CNTN5: variants seen among roughly 807,000 people sequenced by gnomAD.
The protein encoded by CNTN5 is contactin 5.
In CNTN5, 77 loss-of-function variants were observed where a neutral mutation model predicts 129.1. The ratio of observed to expected loss-of-function variants is 0.60; its 90% CI spans 0.50 to 0.72. The LOEUF (loss-of-function observed/expected upper bound fraction) is 0.72. CNTN5 is among the 30% of genes least tolerant of loss of function. The pLI, the probability that CNTN5 is intolerant of heterozygous loss-of-function variation, is 0.00. For synonymous variants in CNTN5, 509 were observed against 465.6 expected (o/e 1.09, Z -1.20); for missense variants, 1,478 against 1,328.8 (o/e 1.11, Z -1.75).
intron 4 of CNTN5, among the ~76,000 whole-genome samples, 195 bp downstream of exon 4, chr11:99,819,960 T>C (rs1471570539): frequency 2.6e-5 from 4 of 152,186 alleles, no homozygotes; most frequent in Admixed American, 6.5e-5. Context: ...GGGGAGATAC[T>C]GGTAAATGTG....
chr11:100,342,183 A>ACACACACACACACAC (rs71053115), intron 23 of CNTN5, among the ~76,000 whole-genome samples: 3 of 150,766 alleles, frequency 2.0e-5, no homozygotes, highest in African/African-American at 7.3e-5. Flanking sequence ...ACACACACAC[A>ACACACACACACACAC]AGTCCATCAG....
chr11:99,841,894 ATAT>A (rs762420310), intron 4 of CNTN5, among the ~76,000 whole-genome samples: 7,959 of 94,572 alleles, frequency 0.084, 285 homozygotes, highest in Middle Eastern at 0.14. Context: ...ACATATATAT[ATAT>A]TTTTTTTTTA....
At chr11:99,254,203 T>C (rs761544609) in intron 1 of CNTN5, among the ~76,000 whole-genome samples, 14 of 151,782 alleles carry the variant, frequency 9.2e-5, no homozygotes, top group African/African-American at 2.2e-4. Flanking sequence ...GAGGAACTTA[T>C]GTTGTAGAGG....
At chr11:99,575,177 G>C (rs537649726) in intron 3 of CNTN5, among the ~76,000 whole-genome samples, 1 of 152,250 alleles carries the variant, frequency 6.6e-6, no homozygotes, top group South Asian at 2.1e-4. Flanking sequence ...AATTTTTGAA[G>C]AAATGGTGTT....
intron 2 of CNTN5, among the ~76,000 whole-genome samples, chr11:99,438,311 A>C (rs1034737068): frequency 2.6e-5 from 4 of 152,160 alleles, no homozygotes; most frequent in African/African-American, 9.7e-5. Flanking sequence ...TGAGTCTACT[A>C]TAAGGAACTA....
chr11:100,107,303 C>T (rs185833891), intron 13 of CNTN5, among the ~76,000 whole-genome samples: 31 of 151,976 alleles, frequency 2.0e-4, no homozygotes, highest in African/African-American at 6.0e-4. Context: ...TTCTGACAAC[C>T]GGTTGATAAA....
At chr11:99,665,252 A>G (rs945799978) in intron 3 of CNTN5, among the ~76,000 whole-genome samples, 3 of 152,176 alleles carry the variant, frequency 2.0e-5, no homozygotes, top group Admixed American at 6.5e-5. Flanking sequence ...GTGAAATTCA[A>G]AACTGAACAA....
intron 21 of CNTN5, among the ~76,000 whole-genome samples, chr11:100,320,386 C>T (rs1042878435): frequency 1.1e-4 from 16 of 151,910 alleles, no homozygotes; most frequent in African/African-American, 2.9e-4. Flanking sequence ...ATTTTTTAAT[C>T]GGTTAATTTG....
chr11:99,967,831 T>A (rs1475687699), intron 8 of CNTN5, among the ~76,000 whole-genome samples: 1 of 152,138 alleles, frequency 6.6e-6, no homozygotes, highest in African/African-American at 2.4e-5. Flanking sequence ...TGTACCTTCA[T>A]TTTTCCACTC....
chr11:100,330,050 T>A (rs530208910), intron 21 of CNTN5, among the ~76,000 whole-genome samples: 2 of 151,980 alleles, frequency 1.3e-5, no homozygotes, highest in Non-Finnish European at 2.9e-5. Context: ...CAGAGAAAGG[T>A]GAAGGCCAAC....
At chr11:99,593,000 T>C (rs530737161) in intron 3 of CNTN5, among the ~76,000 whole-genome samples, 4 of 152,152 alleles carry the variant, frequency 2.6e-5, no homozygotes, top group Non-Finnish European at 2.9e-5. Context: ...GTAATAGATA[T>C]GACAACTCAT....
intron 2 of CNTN5, among the ~76,000 whole-genome samples, chr11:99,350,754 T>C (rs1420307422): frequency 6.6e-6 from 1 of 151,844 alleles, no homozygotes; most frequent in Non-Finnish European, 1.5e-5. Context: ...AACAGAAAAA[T>C]GTCATGTATG....
intron 3 of CNTN5, among the ~76,000 whole-genome samples, chr11:99,629,418 A>G (rs529509873): frequency 2.0e-5 from 3 of 152,040 alleles, no homozygotes; most frequent in Non-Finnish European, 4.4e-5. Flanking sequence ...CTCTTCTGGA[A>G]CAGACATTTT....
chr11:99,706,172 C>G (rs900546528), intron 3 of CNTN5, among the ~76,000 whole-genome samples: 6 of 151,284 alleles, frequency 4.0e-5, no homozygotes, highest in African/African-American at 9.7e-5. Context: ...GAAGGGGGAA[C>G]AAATCTGATG....
intron 9 of CNTN5, among the ~76,000 whole-genome samples, chr11:100,002,983 C>G (rs1939968048): frequency 6.6e-6 from 1 of 151,906 alleles, no homozygotes; most frequent in South Asian, 2.1e-4. Context: ...CTATAAAGTA[C>G]TCGGAGATAA....
chr11:99,948,854 T>A (rs1323325340), intron 7 of CNTN5, among the ~76,000 whole-genome samples: 3 of 152,338 alleles, frequency 2.0e-5, no homozygotes, highest in Non-Finnish European at 4.4e-5. Flanking sequence ...GGCTGCTTCC[T>A]CTTCTCCAGA....
Position 99,819,685 on chromosome 11 carries a change from C to A in CNTN5, c.197C>A (p.Ser66Ter), listed in dbSNP as rs752042635. ...SPSLGTLSAS[S>*]PSWLGAAQNY... ...TCATTAGGAACACTGAGTGCTTCTTCACCCAGCTGGCTAGGGGCAGCTCAG... is the reference window on the plus strand; with the variant it reads ...TCATTAGGAACACTGAGTGCTTCTTAACCCAGCTGGCTAGGGGCAGCTCAG... The change falls in exon 4 of 25, where the codon TCA becomes TAA. Residue 66 changes from serine to a stop codon, truncating the protein, a stop_gained. Coordinates refer to ENST00000524871, the MANE Select transcript of CNTN5 (RefSeq NM_014361.4). LOFTEE classifies it high-confidence loss of function. The A allele has an allele frequency of 6.2e-7, 1 of 1,612,964 alleles. No homozygotes were observed. The highest frequency in any genetic ancestry group is 1.7e-5 in the Admixed American group (1 of 60,024).
intron 2 of CNTN5, among the ~76,000 whole-genome samples, chr11:99,354,907 C>T (rs746016176): frequency 1.3e-5 from 2 of 152,176 alleles, no homozygotes; most frequent in Non-Finnish European, 2.9e-5. Flanking sequence ...CAGTTTCTGG[C>T]GCTCTTTCCA....
chr11:99,674,827 C>T (rs1953201464), intron 3 of CNTN5, among the ~76,000 whole-genome samples: 2 of 151,926 alleles, frequency 1.3e-5, no homozygotes. Flanking sequence ...AGCTTTGAAC[C>T]TCTGAAACCA....
Sources: allele counts gnomAD v4.1 joint callset (sites outside exome capture counted in the v4.1 genomes callset), GRCh38; gene constraint gnomAD v4.1.1; transcripts MANE v1.5; gene names NCBI Gene and HGNC (gene_info 2026-07-23, HGNC 2026-07-21).